The following ST6GALNAC3 variants were observed in gnomAD, a reference collection of about 807,000 sequenced individuals.
ST6GALNAC3 encodes the protein alpha-N-acetylgalactosaminide alpha-2,6-sialyltransferase 3.
A neutral mutation model predicts 32.7 loss-of-function variants in ST6GALNAC3; 25 were observed. The observed-to-expected ratio is 0.76, with a 90% CI of 0.56 to 1.07. The LOEUF (loss-of-function observed/expected upper bound fraction) is 1.07. ST6GALNAC3 is among the 50% of genes least tolerant of loss of function. The probability of loss-of-function intolerance (pLI) is 0.00; values close to 1 mark genes in which losing one functional copy is unlikely to be tolerated. For synonymous variants in ST6GALNAC3, 129 were observed against 133.1 expected (o/e 0.97, Z 0.21); for missense variants, 355 against 382.4 (o/e 0.93, Z 0.60).
At chr1:76,279,642 T>C (rs1659381043) in intron 1 of ST6GALNAC3, among the ~76,000 whole-genome samples, 1 of 151,872 alleles carries the variant, frequency 6.6e-6, no homozygotes, top group African/African-American at 2.4e-5. Flanking sequence ...GTGCCTGGAG[T>C]CGTGTCTGCC....
chr1:76,127,416 G>T (rs1264242018), intron 1 of ST6GALNAC3, among the ~76,000 whole-genome samples: 1 of 152,166 alleles, frequency 6.6e-6, no homozygotes, highest in African/African-American at 2.4e-5. Context: ...GGCAAGAACT[G>T]TGTTACTCAA....
chr1:76,263,466 C>T (rs746209799), intron 1 of ST6GALNAC3, among the ~76,000 whole-genome samples: 1 of 152,092 alleles, frequency 6.6e-6, no homozygotes, highest in East Asian at 1.9e-4. Flanking sequence ...TCGTCTTTCC[C>T]CTACCCCAAT....
At chr1:76,529,668 T>C (rs937588658) in intron 3 of ST6GALNAC3, among the ~76,000 whole-genome samples, 6 of 152,302 alleles carry the variant, frequency 3.9e-5, no homozygotes, top group African/African-American at 1.4e-4. Context: ...ATTACCAATC[T>C]TGTGGCGTTT....
At chr1:76,360,696 G>A (rs899541850) in intron 2 of ST6GALNAC3, among the ~76,000 whole-genome samples, 3 of 152,242 alleles carry the variant, frequency 2.0e-5, no homozygotes, top group East Asian at 1.9e-4. Flanking sequence ...ATGCTCTGCA[G>A]TATATTGTGT....
At chr1:76,345,243 A>C (rs1008195676) in intron 2 of ST6GALNAC3, among the ~76,000 whole-genome samples, 4 of 152,126 alleles carry the variant, frequency 2.6e-5, no homozygotes, top group African/African-American at 9.7e-5. Flanking sequence ...CCCATTTTAA[A>C]GCTGTTGACT....
At position 76,129,777 on chromosome 1, in the gene ST6GALNAC3, A is replaced by G. The variant is rs1649491054; in HGVS notation, c.18+54893A>G. On this transcript the variant is annotated intron_variant, in intron 1 of 4. Coordinates refer to ENST00000328299, the MANE Select transcript of ST6GALNAC3 (RefSeq NM_152996.4). ...ACCAGCATTCACATGCAGCACAGAG[A>G]TGACAGTTCTAAACCTTAAGTAGGT... Among the ~76,000 whole-genome samples the G allele has an allele frequency of 1.3e-5, 2 of 152,140 alleles. 1 individual carries two copies. Among genetic ancestry groups the G allele is most frequent in the South Asian group, 4.2e-4 (2 of 4,818 alleles).
chr1:76,595,874 G>A (rs918634787), intron 3 of ST6GALNAC3, among the ~76,000 whole-genome samples: 1 of 152,056 alleles, frequency 6.6e-6, no homozygotes, highest in Non-Finnish European at 1.5e-5. Context: ...GGCAATGGGG[G>A]TGTCCTGTAG....
chr1:76,416,839 G>A (rs1654670998), intron 3 of ST6GALNAC3, among the ~76,000 whole-genome samples: 1 of 151,870 alleles, frequency 6.6e-6, no homozygotes, highest in African/African-American at 2.4e-5. Context: ...TATTGACCAG[G>A]CTAGTCTCGA....
chr1:76,454,094 G>T, intron 3 of ST6GALNAC3, among the ~76,000 whole-genome samples: 1 of 151,996 alleles, frequency 6.6e-6, no homozygotes, highest in Middle Eastern at 3.2e-3. Flanking sequence ...TGTAAGAGTA[G>T]CTGTTCCTGC....
At chr1:76,267,492 T>C (rs1015447247) in intron 1 of ST6GALNAC3, among the ~76,000 whole-genome samples, 13 of 152,240 alleles carry the variant, frequency 8.5e-5, no homozygotes, top group Admixed American at 8.5e-4. Context: ...TGCATTTTTT[T>C]ACCACGTTTT....
chr1:76,583,940 A>T (rs1394423703), intron 3 of ST6GALNAC3, among the ~76,000 whole-genome samples: 2 of 152,214 alleles, frequency 1.3e-5, no homozygotes, highest in African/African-American at 4.8e-5. Flanking sequence ...TTCAGGTAAA[A>T]GTCTACAAAG....
chr1:76,412,569 G>A, intron 3 of ST6GALNAC3, 152 bp downstream of exon 3: 1 of 876,392 alleles, frequency 1.1e-6, no homozygotes, highest in Non-Finnish European at 1.7e-6. Context: ...AAGCCAGCCT[G>A]AGGTCTCATT....
chr1:76,252,541 A>G (rs1227406118), intron 1 of ST6GALNAC3, among the ~76,000 whole-genome samples: 2 of 151,860 alleles, frequency 1.3e-5, no homozygotes, highest in African/African-American at 4.8e-5. Flanking sequence ...TCCCTTGAGG[A>G]TGGCCCCCCC....
chr1:76,468,789 T>C (rs1571329023), intron 3 of ST6GALNAC3, among the ~76,000 whole-genome samples: 1 of 152,192 alleles, frequency 6.6e-6, no homozygotes, highest in East Asian at 1.9e-4. Context: ...CAATATAATT[T>C]GGCAATAGCA....
At chr1:76,520,505 A>T (rs997914978) in intron 3 of ST6GALNAC3, among the ~76,000 whole-genome samples, 1 of 151,882 alleles carries the variant, frequency 6.6e-6, no homozygotes, top group African/African-American at 2.4e-5. Flanking sequence ...CACACACAAT[A>T]ATAAACATAC....
At chr1:76,182,789 A>G (rs1266305550) in intron 1 of ST6GALNAC3, among the ~76,000 whole-genome samples, 2 of 152,178 alleles carry the variant, frequency 1.3e-5, no homozygotes, top group Non-Finnish European at 2.9e-5. Context: ...TGAAGAGCAT[A>G]AAGTCGTAAC....
intron 3 of ST6GALNAC3, among the ~76,000 whole-genome samples, chr1:76,599,681 C>T (rs987761110): frequency 2.3e-4 from 34 of 149,736 alleles, no homozygotes; most frequent in African/African-American, 7.7e-4. Flanking sequence ...TAGTAAAATT[C>T]GTTGTTTGAT....
rs182379571 is a variant in ST6GALNAC3 at position 76,539,569 on chromosome 1, G to A, written c.624-87883G>A. On this transcript the variant is annotated intron_variant, in intron 3 of 4. Transcript: ENST00000328299. ...CACAGCAAAAGAAACTATTGTCAGC[G>A]TGAACAGGCAACCTGCACCATGGGA... is the stretch of plus-strand genomic sequence containing the variant. Among the ~76,000 whole-genome samples the A allele has an allele frequency of 6.6e-4, 100 of 152,196 alleles. No individual in the cohort carries two copies. In the Middle Eastern group the frequency reaches 0.014, roughly 21 times the overall value.
intron 3 of ST6GALNAC3, among the ~76,000 whole-genome samples, chr1:76,557,213 T>C (rs1335570702): frequency 6.6e-6 from 1 of 152,062 alleles, no homozygotes; most frequent in Non-Finnish European, 1.5e-5. Flanking sequence ...TTGGGACTCT[T>C]AAGTTTATTC....
Sources: allele counts gnomAD v4.1 joint callset (sites outside exome capture counted in the v4.1 genomes callset), GRCh38; gene constraint gnomAD v4.1.1; transcripts MANE v1.5; gene names NCBI Gene and HGNC (gene_info 2026-07-23, HGNC 2026-07-21).